The following GMDS variants were observed in gnomAD, a reference collection of about 807,000 sequenced individuals.
GMDS encodes GDP-mannose 4,6-dehydratase, also known as GDP-mannose 4,6 dehydratase.
In GMDS, 20 loss-of-function variants were observed where a neutral mutation model predicts 49.9. The ratio of observed to expected loss-of-function variants is 0.40; its 90% CI spans 0.28 to 0.58. GMDS has a LOEUF of 0.58. Ranked by LOEUF, GMDS falls within the 20% of genes least tolerant of loss-of-function variation. The pLI, the probability that GMDS is intolerant of heterozygous loss-of-function variation, is 0.42. For synonymous variants in GMDS, 177 were observed against 178.6 expected, an observed-to-expected ratio of 0.99 and a Z score of 0.07; for missense variants, 362 against 481.4, an observed-to-expected ratio of 0.75 and a Z score of 2.32.
At chr6:1,890,837 T>A (rs908902348) in intron 7 of GMDS, among the ~76,000 whole-genome samples, 3 of 152,210 alleles carry the variant, frequency 2.0e-5, no homozygotes, top group Non-Finnish European at 4.4e-5. Context: ...TAAGGTTCAA[T>A]GGTGTTTTCA....
intron 7 of GMDS, among the ~76,000 whole-genome samples, chr6:1,830,576 G>A (rs960930850): frequency 1.1e-4 from 16 of 152,214 alleles, no homozygotes; most frequent in African/African-American, 3.9e-4. Context: ...TAAGCAGTGA[G>A]TGGTTTTCCA....
intron 4 of GMDS, among the ~76,000 whole-genome samples, chr6:2,092,182 T>C (rs758114885): frequency 1.3e-5 from 2 of 152,202 alleles, no homozygotes; most frequent in Admixed American, 6.5e-5. Flanking sequence ...TACGACCGGT[T>C]AGTAGTAGTG....
At chr6:1,649,478 G>A (rs1763585749) in intron 9 of GMDS, among the ~76,000 whole-genome samples, 1 of 152,112 alleles carries the variant, frequency 6.6e-6, no homozygotes, top group Non-Finnish European at 1.5e-5. Context: ...CCTATTTCAG[G>A]ACACATTTAA....
intron 1 of GMDS, among the ~76,000 whole-genome samples, chr6:2,184,268 T>C (rs1778681544): frequency 6.6e-6 from 1 of 152,218 alleles, no homozygotes; most frequent in Non-Finnish European, 1.5e-5. Context: ...AAAATCCATA[T>C]GCAGCAAAAG....
intron 4 of GMDS, among the ~76,000 whole-genome samples, chr6:2,046,877 G>A (rs1352636500): frequency 1.3e-5 from 2 of 152,064 alleles, no homozygotes; most frequent in East Asian, 3.8e-4. Flanking sequence ...ACTGTTGGGG[G>A]CAGCGATAAA....
intron 7 of GMDS, among the ~76,000 whole-genome samples, chr6:1,749,022 AG>A (rs771164889): frequency 6.6e-6 from 1 of 152,158 alleles, no homozygotes; most frequent in Non-Finnish European, 1.5e-5. Flanking sequence ...GAAGAATCTT[AG>A]GAGGGGGAAC....
chr6:2,188,140 G>A (rs1400622650), intron 1 of GMDS, among the ~76,000 whole-genome samples: 1 of 152,138 alleles, frequency 6.6e-6, no homozygotes, highest in East Asian at 1.9e-4. Context: ...ACCGAGGAGG[G>A]GGACTCAAAG....
At chr6:2,146,849 A>C (rs1776583417) in intron 1 of GMDS, among the ~76,000 whole-genome samples, 1 of 152,254 alleles carries the variant, frequency 6.6e-6, no homozygotes, top group African/African-American at 2.4e-5. Flanking sequence ...ACAAAGGAAG[A>C]GTTAACTGTT....
chr6:1,878,719 GAATA>G (rs1306997591), intron 7 of GMDS, among the ~76,000 whole-genome samples: 1 of 152,168 alleles, frequency 6.6e-6, no homozygotes, highest in African/African-American at 2.4e-5. Context: ...AAGTATAAAT[GAATA>G]GAGTGTATTT....
At chr6:1,668,526 A>G (rs1004442013) in intron 9 of GMDS, among the ~76,000 whole-genome samples, 14 of 152,198 alleles carry the variant, frequency 9.2e-5, no homozygotes, top group African/African-American at 3.4e-4. Context: ...CTTGGCCAAC[A>G]TGGTGAAACC....
intron 4 of GMDS, among the ~76,000 whole-genome samples, chr6:2,000,006 A>AT (rs1766662882): frequency 6.2e-4 from 5 of 8,056 alleles, no homozygotes; most frequent in East Asian, 7.6e-3. Flanking sequence ...TTATATATAT[A>AT]TATTTTTTAT....
chr6:2,111,015 G>T lies in GMDS; in HGVS notation c.345+4756C>A, dbSNP rs114899020. ...AGGCAATTCCAACATGGCATTGTGA[G>T]GCAAAGGAAAGAAATACTGCACTAG... On this transcript the variant is annotated intron_variant, in intron 4 of 10. Transcript: ENST00000380815. Among the ~76,000 whole-genome samples the T allele has an allele frequency of 2.7e-3, 404 of 152,246 alleles. 2 individuals carry two copies. The highest frequency in any genetic ancestry group is 9.4e-3 in the African/African-American group (389 of 41,548).
intron 9 of GMDS, among the ~76,000 whole-genome samples, chr6:1,672,823 C>G (rs768989234): frequency 2.6e-5 from 4 of 152,124 alleles, no homozygotes; most frequent in Non-Finnish European, 4.4e-5. Flanking sequence ...TTCTTCTGAC[C>G]CTTTCTTAGG....
chr6:2,044,848 C>T (rs1581565124), intron 4 of GMDS, among the ~76,000 whole-genome samples: 1 of 151,908 alleles, frequency 6.6e-6, no homozygotes, highest in East Asian at 1.9e-4. Flanking sequence ...TTTATTAATG[C>T]CTGGCACTTG....
At chr6:2,214,608 G>A (rs977541403) in intron 1 of GMDS, among the ~76,000 whole-genome samples, 33 of 152,126 alleles carry the variant, frequency 2.2e-4, no homozygotes, top group African/African-American at 7.5e-4. Flanking sequence ...TGGTGTCTGC[G>A]AGGGTCCTGG....
At chr6:1,955,630 G>C (rs1763593847) in intron 6 of GMDS, among the ~76,000 whole-genome samples, 1 of 152,110 alleles carries the variant, frequency 6.6e-6, no homozygotes, top group Non-Finnish European at 1.5e-5. Context: ...CAGATTATTG[G>C]CTCTATTCCC....
intron 4 of GMDS, among the ~76,000 whole-genome samples, chr6:1,962,353 G>A (rs185672075): frequency 2.0e-3 from 306 of 152,298 alleles, no homozygotes; most frequent in African/African-American, 7.2e-3. Context: ...TACAATAGGT[G>A]GTTTTTAGTG....
intron 9 of GMDS, among the ~76,000 whole-genome samples, chr6:1,637,739 G>C (rs1289466445): frequency 6.6e-6 from 1 of 152,250 alleles, no homozygotes; most frequent in Non-Finnish European, 1.5e-5. Context: ...CCCTGCACTG[G>C]CTGTTCAGAA....
At chr6:1,725,650 T>A (rs1015110915) in intron 9 of GMDS, among the ~76,000 whole-genome samples, 1 of 152,206 alleles carries the variant, frequency 6.6e-6, no homozygotes, top group Admixed American at 6.5e-5. Context: ...CAGGCTGGTC[T>A]TGAACTCCTG....
Sources: allele counts gnomAD v4.1 joint callset (sites outside exome capture counted in the v4.1 genomes callset), GRCh38; gene constraint gnomAD v4.1.1; transcripts MANE v1.5; gene names NCBI Gene and HGNC (gene_info 2026-07-23, HGNC 2026-07-21).